Variants in CPEB1 observed in about 807,000 individuals in gnomAD.
CPEB1 encodes the protein cytoplasmic polyadenylation element binding protein 1.
CPEB1 carries 7 observed loss-of-function variants against 65.8 expected under a neutral mutation model. The ratio of observed to expected loss-of-function variants is 0.11; its 90% CI spans 0.06 to 0.20. The LOEUF is 0.20. Among genes scored for constraint, CPEB1 ranks in the 10% least tolerant of loss-of-function variants. The pLI, the probability that CPEB1 is intolerant of heterozygous loss-of-function variation, is 1.00. For synonymous variants in CPEB1, 262 were observed against 260.0 expected, an observed-to-expected ratio of 1.01 and a Z score of -0.08; for missense variants, 551 against 712.2, an observed-to-expected ratio of 0.77 and a Z score of 2.58.
At chr15:82,550,661 C>G (rs974355790) in intron 9 of CPEB1, among the ~76,000 whole-genome samples, 3 of 152,030 alleles carry the variant, frequency 2.0e-5, no homozygotes, top group African/African-American at 7.2e-5. Context: ...CAGGACATCC[C>G]GAAGAAGGAT....
rs773415266 is a variant in CPEB1, at chr15:82,627,234, C to T, written c.230G>A (p.Cys77Tyr). The T allele has an allele frequency of 1.3e-5, 21 of 1,613,348 alleles. No homozygotes were observed. The highest frequency in any genetic ancestry group is 1.8e-5 in the Non-Finnish European group (21 of 1,179,716). Reference protein sequence around the residue: ...LDNSLDFSRVCTTPINRGIHD... With the variant: ...LDNSLDFSRVYTTPINRGIHD... The stretch of plus-strand genomic sequence containing the variant: ...AATTCCTCGGTTTATAGGTGTAGTG[C>T]AGACTCTACTGAAATCCAGAGAATT... The change falls in exon 3 of 13, where the codon TGC becomes TAC. Residue 77 changes from cysteine (C) to tyrosine (Y), a missense_variant. This residue lies in a region of CPEB1 where 223 missense variants were observed against 228.6 expected (regional missense o/e 0.98). Transcript: ENST00000684509.
intron 2 of CPEB1, among the ~76,000 whole-genome samples, chr15:82,627,899 A>C (rs2045908352): frequency 6.6e-6 from 1 of 152,200 alleles, no homozygotes. Context: ...ATGATGAACA[A>C]GGTACTCAGA....
At chr15:82,642,813 G>A (rs2047214620) in intron 1 of CPEB1, among the ~76,000 whole-genome samples, 1 of 152,150 alleles carries the variant, frequency 6.6e-6, no homozygotes, top group Non-Finnish European at 1.5e-5. Flanking sequence ...CCATAGCAGA[G>A]AAAATAATTT....
At chr15:82,568,002 A>C (rs1358831027) in intron 4 of CPEB1, among the ~76,000 whole-genome samples, 1 of 152,120 alleles carries the variant, frequency 6.6e-6, no homozygotes, top group Non-Finnish European at 1.5e-5. Context: ...GGAGCACATC[A>C]CCTCTAGCTG....
chr15:82,596,313 A>G (rs2042660021), intron 3 of CPEB1, among the ~76,000 whole-genome samples: 1 of 152,198 alleles, frequency 6.6e-6, no homozygotes. Context: ...AACTTCTGAC[A>G]TGAGAAGATT....
intron 3 of CPEB1, among the ~76,000 whole-genome samples, chr15:82,614,875 G>GTATATA (rs1236664724): frequency 8.1e-6 from 1 of 123,184 alleles, no homozygotes; most frequent in African/African-American, 2.8e-5. Context: ...GTGTGTGTGT[G>GTATATA]TGTGTATATA....
intron 3 of CPEB1, among the ~76,000 whole-genome samples, chr15:82,582,298 C>T (rs552967575): frequency 1.3e-5 from 2 of 152,244 alleles, no homozygotes; most frequent in South Asian, 2.1e-4. Context: ...GTAATTCAGG[C>T]CCTTTAGCAA....
At chr15:82,647,965 G>A (rs973924150), upstream of CPEB1, 3 of 1,007,688 alleles carry the variant, frequency 3.0e-6, no homozygotes, top group South Asian at 4.9e-5. Flanking sequence ...GCAGCGGGCC[G>A]CGCGCAGCCC....
In CPEB1 at chr15:82,571,457, A is replaced by C. The variant is rs758663360; in HGVS notation, c.347T>G (p.Leu116Arg). 1.2e-5 allele frequency: 19 copies of C among 1,614,008 alleles called. No individual in the cohort carries two copies. Among genetic ancestry groups the C allele is most frequent in the South Asian group, 2.2e-5 (2 of 91,084 alleles). Residue 116 changes from leucine (L) to arginine (R), a missense_variant, in exon 4 of 13, where the codon CTC becomes CGC. By Grantham distance (102) the Leu-to-Arg change is moderately radical. Around this residue, in one of 6 missense-constraint regions of CPEB1, gnomAD observed 223 missense variants for 228.6 expected, o/e 0.98. Coordinates refer to ENST00000684509, the MANE Select transcript of CPEB1 (RefSeq NM_001365242.1). ...AAGGCACAAGTCATTTGCATCTGGGAGGCCACGGGAAGATTCTTGCGCAGA... is the reference window on the plus strand; with the variant it reads ...AAGGCACAAGTCATTTGCATCTGGGCGGCCACGGGAAGATTCTTGCGCAGA... ...PTSAQESSRG[L>R]PDANDLCLGL...
chr15:82,550,042 G>A (rs539201164), intron 9 of CPEB1, among the ~76,000 whole-genome samples: 1 of 152,330 alleles, frequency 6.6e-6, no homozygotes, highest in Non-Finnish European at 1.5e-5. Context: ...CCTCAAGAAA[G>A]GAAGGACTCA....
At chr15:82,560,742 A>C (rs2038057039) in intron 4 of CPEB1, among the ~76,000 whole-genome samples, 3 of 151,804 alleles carry the variant, frequency 2.0e-5, no homozygotes. Context: ...AGATCTGCAG[A>C]GCTGTTGTGT....
At chr15:82,553,607 G>A in intron 7 of CPEB1, 51 bp from the exon 8 acceptor site, 1 of 1,343,682 alleles carries the variant, frequency 7.4e-7, no homozygotes, top group Non-Finnish European at 1.1e-6. Context: ...ATCTTTCCCA[G>A]TAAAGACACA....
chr15:82,593,050 C>T (rs1034259595), intron 3 of CPEB1, among the ~76,000 whole-genome samples: 1 of 152,144 alleles, frequency 6.6e-6, no homozygotes, highest in Non-Finnish European at 1.5e-5. Context: ...GAGTCATAAT[C>T]TTATTGCTGG....
At chr15:82,610,111 A>T (rs1485035942) in intron 3 of CPEB1, among the ~76,000 whole-genome samples, 2 of 152,022 alleles carry the variant, frequency 1.3e-5, no homozygotes. Context: ...TGCAAATTAG[A>T]AAACATAGGT....
rs1405903314 is a variant in CPEB1 at position 82,558,985 on chromosome 15, C to G, written c.461-999G>C. On this transcript the variant is annotated intron_variant, in intron 4 of 12. Coordinates refer to ENST00000684509, the MANE Select transcript of CPEB1 (RefSeq NM_001365242.1). ...TTTTTTTTCATCTGAAGAATGAGAA[C>G]ATTCACCTCAAAATGGCTGAGGTAA... Among the ~76,000 whole-genome samples, 3 of 149,976 alleles carry G rather than the reference C, an allele frequency of 2.0e-5. No homozygotes were observed. In the East Asian group the frequency reaches 5.9e-4, roughly 29 times the overall value.
At chr15:82,606,550 G>A (rs1401778712) in intron 3 of CPEB1, among the ~76,000 whole-genome samples, 1,086 of 49,430 alleles carry the variant, frequency 0.022, 71 homozygotes, top group Middle Eastern at 0.039. Context: ...CGGGCGCGGT[G>A]GCTCACGCCT....
At chr15:82,574,689 C>T (rs2040445771) in intron 3 of CPEB1, among the ~76,000 whole-genome samples, 1 of 131,240 alleles carries the variant, frequency 7.6e-6, no homozygotes, top group Admixed American at 9.1e-5. Context: ...TGCCACTGCA[C>T]TCCAGCCTGG....
intron 1 of CPEB1, chr15:82,629,175 T>G: frequency 4.2e-6 from 3 of 711,222 alleles, no homozygotes; most frequent in Non-Finnish European, 5.2e-6. Context: ...CACAGTTACT[T>G]AACCTCTATC....
In CPEB1 at chr15:82,577,384, T is replaced by TA. The variant is rs200996907; in HGVS notation, c.272-5853dup. Reference sequence around the variant, plus strand: ...GCAAAGGTGTATTTTTAAACTAACTTAAAAAATTTTTTTTTAATTTCCTAC... The same window carrying TA: ...GCAAAGGTGTATTTTTAAACTAACTTAAAAAAATTTTTTTTTAATTTCCTAC... On this transcript the variant is annotated intron_variant, in intron 3 of 12. Transcript: ENST00000684509. 4.5e-3 allele frequency among the ~76,000 whole-genome samples: 678 copies of TA among 152,262 alleles called. 1 individual carries two copies. The highest frequency in any genetic ancestry group is 8.1e-3 in the Non-Finnish European group (549 of 68,012).
Sources: gnomAD v4.1 joint callset for allele counts (sites outside exome capture counted in the v4.1 genomes callset) on GRCh38, gnomAD v4.1.1 for gene constraint, gnomAD v4.1.1 regional missense constraint, MANE v1.5 for transcripts, NCBI Gene and HGNC (gene_info 2026-07-23, HGNC 2026-07-21) for gene names.